The following TMOD3 variants were observed in gnomAD, a reference collection of about 807,000 sequenced individuals.
TMOD3 encodes the protein tropomodulin-3.
TMOD3 carries 20 observed loss-of-function variants against 39.2 expected under a neutral mutation model. The ratio of observed to expected loss-of-function variants is 0.51; its 90% CI spans 0.36 to 0.74. The LOEUF is 0.74. Among genes scored for constraint, TMOD3 ranks in the 30% least tolerant of loss-of-function variants. The pLI is 0.00. For synonymous variants in TMOD3, 143 were observed against 145.8 expected (o/e 0.98, Z 0.14); for missense variants, 381 against 412.8 (o/e 0.92, Z 0.67).
intron 5 of TMOD3, among the ~76,000 whole-genome samples, chr15:51,890,871 T>C (rs982287911): frequency 2.0e-5 from 3 of 152,208 alleles, no homozygotes; most frequent in Non-Finnish European, 4.4e-5. Context: ...ATTACCCAGT[T>C]TCCGCTGTTT....
chr15:51,878,004 A>G (rs2056513778), intron 3 of TMOD3, among the ~76,000 whole-genome samples: 1 of 152,024 alleles, frequency 6.6e-6, no homozygotes, highest in Non-Finnish European at 1.5e-5. Context: ...CTCTCTGTGC[A>G]GTTCCCTCCT....
In TMOD3 at chr15:51,914,385, C is replaced by T. The variant is rs1249838338; in HGVS notation, c.*5575C>T. On this transcript the variant is annotated 3_prime_UTR_variant, in exon 10 of 10. Transcript: ENST00000308580. ...GCTAGATAAAAATAGATTGTAATGG[C>T]CGGGTGCAGTGGCTCACACTTGTAA... 1.3e-5 allele frequency: 2 copies of T among 152,050 alleles called. No homozygotes were observed. The highest frequency in any genetic ancestry group is 1.9e-4 in the East Asian group (1 of 5,156). 9.4% of individuals were successfully genotyped at this position (152,050 alleles called of 1,614,324 possible).
At chr15:51,845,551 T>C (rs752716363) in intron 1 of TMOD3, among the ~76,000 whole-genome samples, 1 of 151,978 alleles carries the variant, frequency 6.6e-6, no homozygotes, top group Non-Finnish European at 1.5e-5. Flanking sequence ...GAGCTCAGGA[T>C]TTTAGACCAG....
chr15:51,832,144 A>ACT (rs1278772165), intron 1 of TMOD3, among the ~76,000 whole-genome samples: 1 of 149,762 alleles, frequency 6.7e-6, no homozygotes, highest in Non-Finnish European at 1.5e-5. Flanking sequence ...TGATTGTGCC[A>ACT]CTGCACTCCA....
intron 1 of TMOD3, chr15:51,859,189 A>G: frequency 6.9e-6 from 5 of 726,444 alleles, no homozygotes; most frequent in Non-Finnish European, 1.3e-5. Flanking sequence ...CCTCTTCACA[A>G]ACGGCCAGTC....
At chr15:51,871,955 T>C (rs2056476901) in intron 3 of TMOD3, among the ~76,000 whole-genome samples, 1 of 152,214 alleles carries the variant, frequency 6.6e-6, no homozygotes, top group Non-Finnish European at 1.5e-5. Context: ...AAATATTGTT[T>C]ATGGGCAGCT....
At chr15:51,896,049 A>G (rs2056618924) in intron 6 of TMOD3, among the ~76,000 whole-genome samples, 1 of 152,228 alleles carries the variant, frequency 6.6e-6, no homozygotes, top group Non-Finnish European at 1.5e-5. Context: ...TAGAGGTTGC[A>G]GTGAGCTGAG....
At chr15:51,853,040 C>G (rs922460870) in intron 1 of TMOD3, among the ~76,000 whole-genome samples, 2 of 152,078 alleles carry the variant, frequency 1.3e-5, no homozygotes, top group Non-Finnish European at 2.9e-5. Flanking sequence ...TGGCATGTAG[C>G]AACCATACTC....
intron 7 of TMOD3, 143 bp from the exon 8 acceptor site, chr15:51,900,010 TGA>T: frequency 1.3e-6 from 1 of 788,564 alleles, no homozygotes; most frequent in Non-Finnish European, 2.0e-6. Flanking sequence ...ACTGTACATG[TGA>T]GAGCTATGGG....
chr15:51,907,556 G>T (rs2056688387), intron 9 of TMOD3, among the ~76,000 whole-genome samples: 3 of 152,328 alleles, frequency 2.0e-5, no homozygotes, highest in South Asian at 4.1e-4. Context: ...GCCTGGCCAG[G>T]ACACCAGGTG....
chr15:51,876,486 GA>G (rs1177885064), intron 3 of TMOD3, among the ~76,000 whole-genome samples: 5 of 146,780 alleles, frequency 3.4e-5, no homozygotes, highest in African/African-American at 1.3e-4. Flanking sequence ...TTTTGAGATG[GA>G]GTCTCGCTCT....
In TMOD3 at chr15:51,900,222, C is replaced by T. The variant is rs1481388812; in HGVS notation, c.803C>T (p.Thr268Met). The change falls in exon 8 of 10, where the codon ACG (threonine) becomes ATG (methionine). Residue 268 changes from threonine (T) to methionine (M), a missense_variant. Coordinates refer to ENST00000308580, the MANE Select transcript of TMOD3 (RefSeq NM_014547.5). ...TTAAATGTGGAGTCCAACTTTATCA[C>T]GGGAGTTGGGATTCTGGCACTGATT... ...KSLNVESNFI[T>M]GVGILALIDA... The T allele has an allele frequency of 5.6e-6, 9 of 1,614,068 alleles. No homozygotes were observed. The highest frequency in any genetic ancestry group is 1.3e-5 in the African/African-American group (1 of 75,020).
At chr15:51,843,397 T>A (rs1272751492) in intron 1 of TMOD3, among the ~76,000 whole-genome samples, 3 of 152,252 alleles carry the variant, frequency 2.0e-5, no homozygotes, top group East Asian at 1.9e-4. Context: ...AGGGGAGTTT[T>A]ATCAAAATCA....
chr15:51,895,958 A>C (rs570431700), intron 6 of TMOD3, among the ~76,000 whole-genome samples: 1 of 152,212 alleles, frequency 6.6e-6, no homozygotes, highest in African/African-American at 2.4e-5. Flanking sequence ...AAAATACAAA[A>C]TTAGCTGGAC....
intron 7 of TMOD3, chr15:51,899,197 C>A (rs2056636614): frequency 6.6e-6 from 1 of 151,934 alleles, no homozygotes; most frequent in Non-Finnish European, 1.5e-5. Flanking sequence ...ACAGCAAGAC[C>A]CAAATAAGAA....
chr15:51,892,759 A>C (rs2056600135), intron 5 of TMOD3, among the ~76,000 whole-genome samples: 1 of 152,200 alleles, frequency 6.6e-6, no homozygotes, highest in Admixed American at 6.5e-5. Context: ...GCCAATTATC[A>C]GTCAAATTTC....
intron 3 of TMOD3, among the ~76,000 whole-genome samples, chr15:51,876,156 A>ATGT (rs529178531): frequency 8.1e-4 from 123 of 151,284 alleles, no homozygotes; most frequent in Admixed American, 1.4e-3. Context: ...CTGTTCTTTG[A>ATGT]TGTTGTTGTT....
At chr15:51,901,746 G>A in intron 8 of TMOD3, 146 bp from the exon 9 acceptor site, 2 of 783,372 alleles carry the variant, frequency 2.6e-6, no homozygotes, top group Admixed American at 3.1e-5. Flanking sequence ...ATCAGTACTT[G>A]GAACTACTGA....
intron 5 of TMOD3, among the ~76,000 whole-genome samples, chr15:51,890,563 A>G (rs751390969): frequency 7.9e-5 from 12 of 152,248 alleles, no homozygotes; most frequent in Middle Eastern, 6.8e-3. Flanking sequence ...CAACAGTTCT[A>G]TGAAATAGAT....
Sources: gnomAD v4.1 joint callset for allele counts (sites outside exome capture counted in the v4.1 genomes callset) on GRCh38, gnomAD v4.1.1 for gene constraint, MANE v1.5 for transcripts, NCBI Gene and HGNC (gene_info 2026-07-23, HGNC 2026-07-21) for gene names.